The following GLYATL1 variants were observed in gnomAD, a reference collection of about 807,000 sequenced individuals.
GLYATL1 encodes the protein glycine-N-acyltransferase like 1, also known as glycine N-acyltransferase-like protein 1.
GLYATL1 carries 15 observed loss-of-function variants against 20.0 expected under a neutral mutation model. The ratio of observed to expected loss-of-function variants is 0.75; its 90% CI spans 0.50 to 1.15. The LOEUF (loss-of-function observed/expected upper bound fraction) is 1.15, where lower values mean the gene tolerates loss of function less well. GLYATL1 is among the 50% of genes most tolerant of loss of function. GLYATL1 has a pLI of 0.00. For missense variants in GLYATL1, 380 were observed against 368.5 expected (o/e 1.03, Z -0.26); for synonymous variants, 151 against 131.5 (o/e 1.15, Z -1.01).
chr11:58,952,481 T>C (rs1382700735), intron 4 of GLYATL1, among the ~76,000 whole-genome samples: 2 of 152,234 alleles, frequency 1.3e-5, no homozygotes, highest in Non-Finnish European at 2.9e-5. Flanking sequence ...AAGTCTACTA[T>C]TAAAATCATG....
intron 1 of GLYATL1, among the ~76,000 whole-genome samples, chr11:58,920,291 T>C (rs1014361455): frequency 1.3e-5 from 2 of 152,192 alleles, no homozygotes; most frequent in Admixed American, 1.3e-4. Context: ...AAGAGTTCTC[T>C]TTCTTTGTAA....
chr11:58,917,697 T>C (rs1426261260), intron 1 of GLYATL1, among the ~76,000 whole-genome samples: 1 of 152,226 alleles, frequency 6.6e-6, no homozygotes, highest in East Asian at 1.9e-4. Context: ...GCTGCATAGA[T>C]AAAAACAGGA....
intron 4 of GLYATL1, 49 bp from the exon 5 acceptor site, chr11:58,954,721 T>C: frequency 2.6e-6 from 4 of 1,513,048 alleles, no homozygotes; most frequent in Non-Finnish European, 3.5e-6. Context: ...CAGTGAGAGG[T>C]GAAGAAAAAG....
chr11:58,905,958 T>A (rs1464949197), intron 1 of GLYATL1, among the ~76,000 whole-genome samples: 1 of 151,614 alleles, frequency 6.6e-6, no homozygotes, highest in Non-Finnish European at 1.5e-5. Flanking sequence ...CCAGCGAGAG[T>A]GTCAATTCCC....
At chr11:58,953,401 T>G (rs543475224) in intron 4 of GLYATL1, among the ~76,000 whole-genome samples, 108 of 151,296 alleles carry the variant, frequency 7.1e-4, no homozygotes, top group African/African-American at 2.5e-3. Flanking sequence ...TTTTTTTTTT[T>G]TTTTTGCTTT....
chr11:58,909,652 G>A (rs1282844146), downstream of GLYATL1, among the ~76,000 whole-genome samples: 1 of 152,172 alleles, frequency 6.6e-6, no homozygotes, highest in Non-Finnish European at 1.5e-5. Context: ...TGGCGAATAA[G>A]ACAGCTGCAT....
At chr11:58,949,113 G>T (rs1368317785) in intron 4 of GLYATL1, among the ~76,000 whole-genome samples, 1 of 152,218 alleles carries the variant, frequency 6.6e-6, no homozygotes, top group East Asian at 1.9e-4. Flanking sequence ...AGCTGAAATG[G>T]TAATACAAAC....
chr11:58,914,321 T>C (rs1414419369), intron 1 of GLYATL1, among the ~76,000 whole-genome samples: 1 of 152,168 alleles, frequency 6.6e-6, no homozygotes, highest in South Asian at 2.1e-4. Context: ...TCCCATGCAA[T>C]AGAAATTGAC....
chr11:58,942,793 C>T (rs112263609), intron 1 of GLYATL1, among the ~76,000 whole-genome samples: 66 of 152,126 alleles, frequency 4.3e-4, no homozygotes, highest in African/African-American at 1.6e-3. Flanking sequence ...ATGGGATCAC[C>T]GGGAACTCTG....
Position 58,955,624 on chromosome 11 carries a change from T to G in GLYATL1, c.506T>G (p.Phe169Cys). The G allele has an allele frequency of 6.2e-7, 1 of 1,613,538 alleles. No homozygotes were observed. The highest frequency in any genetic ancestry group is 1.3e-5 in the African/African-American group (1 of 74,994). ...GTTGTCTACAGTGAAACTCCCAACT[T>G]TAAGTATGCCCAGCTGGATGTCTCT... ...DDEFESETPN[F>C]KYAQLDVSYS... The change falls in exon 7 of 7, where the codon TTT becomes TGT. Residue 169 changes from phenylalanine to cysteine, a missense_variant. Phe to Cys is a radical substitution (Grantham distance 205). Transcript: ENST00000532726.
downstream of GLYATL1, among the ~76,000 whole-genome samples, chr11:58,909,725 G>A (rs1854993426): frequency 6.6e-6 from 1 of 152,184 alleles, no homozygotes; most frequent in South Asian, 2.1e-4. Context: ...AGACTGGTAA[G>A]GTAGTGTGGT....
exon 2 of GLYATL1, chr11:58,908,312 T>G (rs1854956434): frequency 6.6e-6 from 1 of 152,390 alleles, no homozygotes; most frequent in South Asian, 2.1e-4. Context: ...AGAGATGAGA[T>G]CCCACACAGC....
intron 1 of GLYATL1, among the ~76,000 whole-genome samples, chr11:58,933,069 G>T (rs370785518): frequency 2.2e-4 from 34 of 152,296 alleles, no homozygotes; most frequent in African/African-American, 7.9e-4. Context: ...CAGGATACTA[G>T]CTTGGGTAGT....
intron 1 of GLYATL1, among the ~76,000 whole-genome samples, chr11:58,916,001 G>T (rs891158878): frequency 6.6e-6 from 1 of 152,148 alleles, no homozygotes; most frequent in East Asian, 1.9e-4. Flanking sequence ...CAGATAATTT[G>T]ATTTACCCTA....
chr11:58,943,510 A>C (rs542639979), intron 1 of GLYATL1, 33 bp from the exon 2 acceptor site: 1 of 1,572,544 alleles, frequency 6.4e-7, no homozygotes, highest in African/African-American at 1.4e-5. Context: ...AACTCCTTTA[A>C]GTTTAATTCA....
upstream of GLYATL1, among the ~76,000 whole-genome samples, chr11:58,927,004 A>T (rs969069419): frequency 3.3e-5 from 5 of 152,224 alleles, no homozygotes; most frequent in African/African-American, 1.2e-4. Flanking sequence ...ACAGTCATTC[A>T]TGCATGTTTT....
At chr11:58,919,926 A>T (rs7933301) in intron 1 of GLYATL1, among the ~76,000 whole-genome samples, 6,259 of 152,254 alleles carry the variant, frequency 0.041, 407 homozygotes, top group African/African-American at 0.14. Context: ...CCACCATTTC[A>T]GGTATGGCTA....
At chr11:58,921,146 T>C (rs1855299539) in intron 1 of GLYATL1, among the ~76,000 whole-genome samples, 1 of 152,208 alleles carries the variant, frequency 6.6e-6, no homozygotes, top group Non-Finnish European at 1.5e-5. Context: ...GGCTTAGGCA[T>C]GAGCAAGAAA....
chr11:58,907,018 C>G (rs144754175), intron 1 of GLYATL1, among the ~76,000 whole-genome samples: 1 of 152,168 alleles, frequency 6.6e-6, no homozygotes, highest in Non-Finnish European at 1.5e-5. Context: ...AAAGGTTGAT[C>G]TGAGCCAAAC....
Sources: allele counts gnomAD v4.1 joint callset (sites outside exome capture counted in the v4.1 genomes callset), GRCh38; gene constraint gnomAD v4.1.1; transcripts MANE v1.5; gene names NCBI Gene and HGNC (gene_info 2026-07-23, HGNC 2026-07-21).